Variants in MYO1E observed in about 807,000 individuals in gnomAD.
MYO1E encodes the protein myosin IE, also known as unconventional myosin-Ie.
Under a neutral mutation model 151.1 loss-of-function variants are expected in MYO1E, and 68 were observed. The observed-to-expected ratio is 0.45, with a 90% CI of 0.37 to 0.55. MYO1E has a LOEUF of 0.55. MYO1E is among the 20% of genes least tolerant of loss of function. MYO1E has a pLI of 0.00. For missense variants in MYO1E, 1,363 were observed against 1,389.3 expected (o/e 0.98, Z 0.30); for synonymous variants, 601 against 501.7 (o/e 1.20, Z -2.64).
chr15:59,212,348 G>C (rs935348954), intron 12 of MYO1E, among the ~76,000 whole-genome samples: 2 of 151,988 alleles, frequency 1.3e-5, no homozygotes, highest in East Asian at 1.9e-4. Context: ...AACAACCAAG[G>C]GCAGGTTCCA....
intron 1 of MYO1E, among the ~76,000 whole-genome samples, chr15:59,294,720 T>C (rs1312741521): frequency 6.6e-6 from 1 of 152,192 alleles, no homozygotes; most frequent in Admixed American, 6.5e-5. Context: ...AGCTCCTCCC[T>C]ACCAGTCAGT....
At chr15:59,239,262 T>C (rs1596380265) in intron 4 of MYO1E, among the ~76,000 whole-genome samples, 1 of 150,824 alleles carries the variant, frequency 6.6e-6, no homozygotes, top group African/African-American at 2.4e-5. Flanking sequence ...TTTCAGATTT[T>C]TTAAAACAGC....
At chr15:59,158,511 G>C (rs1300930329) in intron 24 of MYO1E, 132 bp from the exon 25 acceptor site, 5 of 732,360 alleles carry the variant, frequency 6.8e-6, no homozygotes, top group Non-Finnish European at 1.2e-5. Context: ...GAGAACAGTT[G>C]CAGTGGAGAA....
chr15:59,257,134 TTTC>T (rs1218996462), intron 3 of MYO1E, among the ~76,000 whole-genome samples: 10 of 152,236 alleles, frequency 6.6e-5, no homozygotes, highest in Admixed American at 1.3e-4. Context: ...CTTTATACAA[TTTC>T]TTGACACCTA....
At chr15:59,152,606 GA>G (rs2079488276) in intron 26 of MYO1E, among the ~76,000 whole-genome samples, 1 of 152,202 alleles carries the variant, frequency 6.6e-6, no homozygotes, top group Non-Finnish European at 1.5e-5. Flanking sequence ...TAAGTGAGCA[GA>G]CGCCTGCATG....
intron 1 of MYO1E, among the ~76,000 whole-genome samples, chr15:59,362,976 C>CTTTTTTTT (rs34810328): frequency 7.8e-6 from 1 of 127,592 alleles, no homozygotes; most frequent in Non-Finnish European, 1.6e-5. Flanking sequence ...GTATGACTTT[C>CTTTTTTTT]TTTTTTTTTT....
In MYO1E at chr15:59,372,587, A is replaced by G; in HGVS notation, c.-87T>C. The G allele has an allele frequency of 6.7e-7, 1 of 1,498,350 alleles. No individual in the cohort carries two copies. Among genetic ancestry groups the G allele is most frequent in the Non-Finnish European group, 9.0e-7 (1 of 1,117,266 alleles). The allele number at this position is 1,498,350 out of a possible 1,614,324, so 92.8% of individuals were successfully genotyped here. A position where few individuals can be genotyped will look rare whatever the true frequency, so the allele number is the denominator to read the frequency against. On this transcript the variant is annotated 5_prime_UTR_variant, in exon 1 of 28. Transcript: ENST00000288235. ...CGCAGTCTTCTGGGCGAACTTCAAA[A>G]GTTGGTTCCCCTCGCCAAAAACAGG...
At chr15:59,216,255 CATA>C (rs1412937641) in intron 10 of MYO1E, among the ~76,000 whole-genome samples, 1 of 151,976 alleles carries the variant, frequency 6.6e-6, no homozygotes, top group Non-Finnish European at 1.5e-5. Context: ...AGATCACTCA[CATA>C]ATAACAGAGT....
intron 4 of MYO1E, among the ~76,000 whole-genome samples, chr15:59,237,177 C>A (rs773907901): frequency 9.9e-5 from 15 of 151,924 alleles, no homozygotes; most frequent in Non-Finnish European, 1.8e-4. Flanking sequence ...ACTAGAGAAA[C>A]TTGTTTTAAT....
chr15:59,369,726 G>A (rs1025080897), intron 1 of MYO1E, among the ~76,000 whole-genome samples: 1 of 152,142 alleles, frequency 6.6e-6, no homozygotes, highest in Non-Finnish European at 1.5e-5. Flanking sequence ...GAGTTTTCAG[G>A]AGGAAGATAG....
At chr15:59,162,659 GAA>G (rs56116339) in intron 23 of MYO1E, among the ~76,000 whole-genome samples, 1,928 of 120,902 alleles carry the variant, frequency 0.016, 53 homozygotes, top group African/African-American at 0.056. Flanking sequence ...AAAAAAAAAA[GAA>G]AAAAAAAAAA....
intron 1 of MYO1E, among the ~76,000 whole-genome samples, chr15:59,368,027 G>T (rs1164131615): frequency 1.3e-5 from 2 of 152,174 alleles, no homozygotes; most frequent in Admixed American, 6.5e-5. Context: ...GCTGAGGCAG[G>T]AGAATTGCTT....
chr15:59,335,321 G>T (rs951342277), intron 1 of MYO1E, among the ~76,000 whole-genome samples: 12 of 152,152 alleles, frequency 7.9e-5, no homozygotes, highest in African/African-American at 2.2e-4. Flanking sequence ...GTGTGAAAAC[G>T]ACTCCAAGCT....
chr15:59,174,482 A>G (rs1213251204), intron 19 of MYO1E, among the ~76,000 whole-genome samples: 1 of 152,170 alleles, frequency 6.6e-6, no homozygotes, highest in Non-Finnish European at 1.5e-5. Flanking sequence ...ATCTGAGTGT[A>G]TTCAGTTAGA....
rs142529820 is a variant in MYO1E at position 59,145,527 on chromosome 15, C to G, written c.3081-7160G>C. On this transcript the variant is annotated intron_variant, in intron 26 of 27. Coordinates refer to ENST00000288235, the MANE Select transcript of MYO1E (RefSeq NM_004998.4). ...TCAGCCTCCCGAGTAGCTGGGATTACAAGCATGTGCCAACAAGCCCGGCTA... is the reference window on the plus strand; with the variant it reads ...TCAGCCTCCCGAGTAGCTGGGATTAGAAGCATGTGCCAACAAGCCCGGCTA... Among the ~76,000 whole-genome samples, 939 of 152,310 alleles carry G rather than the reference C, an allele frequency of 6.2e-3. 13 individuals are homozygous for G. Among genetic ancestry groups the G allele is most frequent in the African/African-American group, 0.021 (889 of 41,566 alleles).
chr15:59,288,805 C>T (rs1458832944), intron 1 of MYO1E, among the ~76,000 whole-genome samples: 5 of 152,122 alleles, frequency 3.3e-5, no homozygotes, highest in African/African-American at 1.2e-4. Context: ...GAATAGGGAT[C>T]CGCCACAGAA....
chr15:59,267,047 G>C (rs2080259909), intron 2 of MYO1E: 1 of 115,312 alleles, frequency 8.7e-6, no homozygotes, highest in Non-Finnish European at 1.7e-5. Flanking sequence ...TTTTTTTTGA[G>C]GTGGAGTCTT....
chr15:59,148,353 CTG>C (rs1470752554), intron 26 of MYO1E, among the ~76,000 whole-genome samples: 2 of 152,322 alleles, frequency 1.3e-5, no homozygotes, highest in African/African-American at 4.8e-5. Context: ...GTGAATTTCT[CTG>C]TAGCTCCCAC....
chr15:59,297,365 G>T (rs567556094), intron 1 of MYO1E, among the ~76,000 whole-genome samples: 1 of 148,380 alleles, frequency 6.7e-6, no homozygotes. Flanking sequence ...TCCGCCTCCT[G>T]GTTCAAATGA....
Sources: gnomAD v4.1 joint callset for allele counts (sites outside exome capture counted in the v4.1 genomes callset) on GRCh38, gnomAD v4.1.1 for gene constraint, MANE v1.5 for transcripts, NCBI Gene and HGNC (gene_info 2026-07-23, HGNC 2026-07-21) for gene names.